Variants in MBD5 observed in about 807,000 individuals in gnomAD.
MBD5 encodes methyl-CpG-binding domain protein 5.
Under a neutral mutation model 117.3 loss-of-function variants are expected in MBD5, and 13 were observed. That is an observed-to-expected ratio of 0.11 (90% CI 0.07 to 0.18). The LOEUF (loss-of-function observed/expected upper bound fraction) is 0.18, where lower values mean the gene tolerates loss of function less well. Ranked by LOEUF, MBD5 falls within the 10% of genes least tolerant of loss-of-function variation. The pLI is 1.00. For synonymous variants in MBD5, 727 were observed against 766.4 expected, an observed-to-expected ratio of 0.95 and a Z score of 0.85; for missense variants, 1,879 against 2,093.8, an observed-to-expected ratio of 0.90 and a Z score of 2.00.
chr2:148,445,618 G>A (rs1484580733), intron 4 of MBD5, among the ~76,000 whole-genome samples: 2 of 151,306 alleles, frequency 1.3e-5, no homozygotes, highest in South Asian at 2.1e-4. Flanking sequence ...TATCTTTATA[G>A]CAGCATGATT....
At chr2:148,336,025 A>G (rs1388943009) in intron 3 of MBD5, among the ~76,000 whole-genome samples, 1 of 152,228 alleles carries the variant, frequency 6.6e-6, no homozygotes, top group African/African-American at 2.4e-5. Context: ...TGTGGTTTCC[A>G]CATATGGGAC....
intron 4 of MBD5, among the ~76,000 whole-genome samples, chr2:148,428,479 G>T (rs1283984894): frequency 1.3e-5 from 2 of 151,964 alleles, no homozygotes; most frequent in Non-Finnish European, 2.9e-5. Flanking sequence ...TTTCTTCAAA[G>T]AACTAGAAAA....
At chr2:148,285,230 A>G (rs1255513585) in intron 3 of MBD5, among the ~76,000 whole-genome samples, 5 of 152,252 alleles carry the variant, frequency 3.3e-5, no homozygotes, top group African/African-American at 1.2e-4. Context: ...CTGAATAACT[A>G]CAGGATAACT....
chr2:148,287,770 A>T (rs1559006294), intron 3 of MBD5, among the ~76,000 whole-genome samples: 1 of 152,180 alleles, frequency 6.6e-6, no homozygotes, highest in Non-Finnish European at 1.5e-5. Flanking sequence ...ACTCACTTTT[A>T]TAACAAACTC....
At position 148,080,465 on chromosome 2, in the gene MBD5, C is replaced by A. The variant is rs200439917; in HGVS notation, c.-925+58781C>A. ...GTACATATTCATGATAATATGAAAA[C>A]AACTTTTTGCTCTATATATAATAAT... On this transcript the variant is annotated intron_variant, in intron 1 of 13. Transcript: ENST00000642680. Among the ~76,000 whole-genome samples, 13 of 152,064 alleles carry A rather than the reference C, an allele frequency of 8.5e-5. No individual in the cohort carries two copies. The East Asian group carries it at 2.3e-3, about 27-fold the overall frequency.
intron 1 of MBD5, among the ~76,000 whole-genome samples, chr2:148,042,964 G>A (rs75472836): frequency 0.021 from 3,229 of 152,156 alleles, 132 homozygotes; most frequent in African/African-American, 0.073. Flanking sequence ...CATTAGATTT[G>A]GGGGGTAGGA....
At chr2:148,502,336 C>T (rs1284546169) in intron 11 of MBD5, 100 bp from the exon 12 acceptor site, 1 of 1,039,500 alleles carries the variant, frequency 9.6e-7, no homozygotes, top group Non-Finnish European at 1.5e-6. Context: ...GGCTCCCCTC[C>T]CCGCCAGTGC....
At chr2:148,258,636 G>A (rs747131847) in intron 3 of MBD5, among the ~76,000 whole-genome samples, 4 of 152,152 alleles carry the variant, frequency 2.6e-5, no homozygotes, top group South Asian at 2.1e-4. Context: ...ACCGGGTGGC[G>A]CAGCAGTGTA....
intron 3 of MBD5, chr2:148,296,088 T>A (rs1701638884): frequency 5.5e-6 from 1 of 181,706 alleles, no homozygotes; most frequent in African/African-American, 2.4e-5. Flanking sequence ...ATCTTTGCTC[T>A]TATAGTTTCA....
chr2:148,043,380 G>T (rs1430757136), intron 1 of MBD5, among the ~76,000 whole-genome samples: 1 of 151,882 alleles, frequency 6.6e-6, no homozygotes, highest in East Asian at 1.9e-4. Flanking sequence ...CTGAACCCAG[G>T]AGGCGGAGGT....
intron 4 of MBD5, chr2:148,393,267 T>C (rs778291211): frequency 4.6e-5 from 7 of 152,150 alleles, no homozygotes; most frequent in Non-Finnish European, 8.8e-5. Context: ...ATGTAATCTT[T>C]TAAATTTATG....
At chr2:148,144,132 C>T (rs567265619) in intron 1 of MBD5, among the ~76,000 whole-genome samples, 143 of 151,216 alleles carry the variant, frequency 9.5e-4, no homozygotes, top group African/African-American at 3.0e-3. Flanking sequence ...TTTTAATGAT[C>T]GCCATTCTAA....
chr2:148,059,239 G>A (rs1694959597), intron 1 of MBD5, among the ~76,000 whole-genome samples: 1 of 152,040 alleles, frequency 6.6e-6, no homozygotes, highest in African/African-American at 2.4e-5. Context: ...AGTTGGCAAT[G>A]GCTTTTTTAA....
intron 4 of MBD5, among the ~76,000 whole-genome samples, chr2:148,344,779 C>T (rs1339434992): frequency 1.3e-5 from 2 of 151,812 alleles, no homozygotes; most frequent in East Asian, 3.9e-4. Flanking sequence ...TAAATATCAT[C>T]CACCTTAAAT....
At chr2:148,117,793 A>G (rs1232915559) in intron 1 of MBD5, among the ~76,000 whole-genome samples, 1 of 152,204 alleles carries the variant, frequency 6.6e-6, no homozygotes, top group Admixed American at 6.5e-5. Flanking sequence ...TAAGAATCCA[A>G]TATAGTACAT....
intron 12 of MBD5, among the ~76,000 whole-genome samples, chr2:148,507,786 A>G (rs1194645767): frequency 2.0e-5 from 3 of 151,798 alleles, no homozygotes; most frequent in Non-Finnish European, 4.4e-5. Flanking sequence ...AATTCTTGGC[A>G]CATAGACATT....
At position 148,489,583 on chromosome 2, in the gene MBD5, C is replaced by T. The variant is rs762115057; in HGVS notation, c.3951C>T (p.Ser1317=). The T allele has an allele frequency of 8.1e-6, 13 of 1,613,956 alleles. No individual in the cohort carries two copies. The highest frequency in any genetic ancestry group is 5.3e-5 in the African/African-American group (4 of 74,872). Residue 1317 remains serine (S), a synonymous_variant, in exon 11 of 14, where the codon TCC becomes TCT. Coordinates refer to ENST00000642680, the MANE Select transcript of MBD5 (RefSeq NM_001378120.1). ...GLVVGGPGDA[S]VDAIYKAVVD... ...TTGTGGGTGGCCCAGGTGATGCTTC[C>T]GTAGATGCCATTTACAAAGCAGTTG...
At chr2:148,066,363 T>C (rs960397830) in intron 1 of MBD5, among the ~76,000 whole-genome samples, 3 of 152,206 alleles carry the variant, frequency 2.0e-5, no homozygotes, top group African/African-American at 7.2e-5. Context: ...TTTTACTAGG[T>C]AAATATTTTA....
At chr2:148,127,625 T>G (rs1265107871) in intron 1 of MBD5, among the ~76,000 whole-genome samples, 1 of 152,236 alleles carries the variant, frequency 6.6e-6, no homozygotes, top group African/African-American at 2.4e-5. Flanking sequence ...CTTTATTTAG[T>G]CTATCGTTGA....
Sources: allele counts gnomAD v4.1 joint callset (sites outside exome capture counted in the v4.1 genomes callset), GRCh38; gene constraint gnomAD v4.1.1; transcripts MANE v1.5; gene names NCBI Gene and HGNC (gene_info 2026-07-23, HGNC 2026-07-21).